The following GJA3 variants were observed in gnomAD, a reference collection of about 807,000 sequenced individuals.
The protein encoded by GJA3 is gap junction alpha-3 protein.
For synonymous variants in GJA3, 297 were observed against 292.6 expected (o/e 1.02, Z -0.15); for missense variants, 571 against 620.3 (o/e 0.92, Z 0.84).
chr13:20,151,870 C>A (rs993158894), intron 1 of GJA3, among the ~76,000 whole-genome samples: 6 of 152,192 alleles, frequency 3.9e-5, no homozygotes, highest in African/African-American at 1.2e-4. Context: ...GGCAAACGCA[C>A]AGCCTCCAGG....
At position 20,142,582 on chromosome 13, in the gene GJA3, C is replaced by T. The variant is rs1286066768; in HGVS notation, c.707G>A (p.Ser236Asn). The change falls in exon 2 of 2, where the codon AGC becomes AAC. Residue 236 changes from serine to asparagine, a missense_variant. Ser to Asn is a conservative substitution (Grantham distance 46). Coordinates refer to ENST00000241125, the MANE Select transcript of GJA3 (RefSeq NM_021954.4). ...CTCGGAGGCGTCCGGGCCGAGGCGG[C>T]TGGTCACGCCCTGCTTGAGCTTCTT... is the stretch of plus-strand genomic sequence containing the variant. ...GWKKLKQGVT[S>N]RLGPDASEAP... 1.2e-6 allele frequency: 2 copies of T among 1,606,254 alleles called. No homozygotes were observed. Among genetic ancestry groups the T allele is most frequent in the African/African-American group, 1.3e-5 (1 of 74,746 alleles).
intron 1 of GJA3, among the ~76,000 whole-genome samples, chr13:20,156,452 G>T (rs9315354): frequency 0.27 from 40,807 of 151,724 alleles, 6,873 homozygotes; most frequent in Non-Finnish European, 0.37. Context: ...GATTACAGGC[G>T]TGTGTCACCA....
upstream of GJA3, among the ~76,000 whole-genome samples, chr13:20,161,323 G>T (rs1958936949): frequency 6.6e-6 from 1 of 152,112 alleles, no homozygotes; most frequent in Non-Finnish European, 1.5e-5. Context: ...TACGCACTCC[G>T]GGGCATGCCC....
At chr13:20,151,977 C>T (rs1958880801) in intron 1 of GJA3, among the ~76,000 whole-genome samples, 1 of 152,184 alleles carries the variant, frequency 6.6e-6, no homozygotes. Flanking sequence ...AGGGCACCAG[C>T]ACTGGTGCTC....
rs150958132 is a variant in GJA3 at position 20,157,654 on chromosome 13, A to G, written c.-18+3236T>C. ...GGGCGATGCAGCAGGCAGACTGTTC[A>G]GCTTATGACACTATGTATTACATGC... On this transcript the variant is annotated intron_variant, in intron 1 of 1. Coordinates refer to ENST00000241125, the MANE Select transcript of GJA3 (RefSeq NM_021954.4). Among the ~76,000 whole-genome samples, 376 of 152,326 alleles carry G rather than the reference A, an allele frequency of 2.5e-3. 1 individual carries two copies. Among genetic ancestry groups the G allele is most frequent in the South Asian group, 4.3e-3 (21 of 4,834 alleles).
At position 20,142,617 on chromosome 13, in the gene GJA3, G is replaced by A. The variant is rs757939318; in HGVS notation, c.672C>T (p.His224=). 26 of 1,613,052 alleles carry A rather than the reference G, an allele frequency of 1.6e-5. No homozygotes were observed. The Admixed American group carries it at 1.8e-4, about 11-fold the overall frequency. Residue 224 remains histidine, a synonymous_variant, in exon 2 of 2, where the codon CAC becomes CAT. Coordinates refer to ENST00000241125, the MANE Select transcript of GJA3 (RefSeq NM_021954.4). ...CCTGCTTGAGCTTCTTCCAGCCCAG[G>A]TGGTAGATCTCCAGCATGTTGAGCA... ...SLLLNMLEIY[H]LGWKKLKQGV... is the part of the protein sequence containing the mutation.
rs565493245 is a variant in GJA3 at position 20,143,438 on chromosome 13, G to A, written c.-17-133C>T. On this transcript the variant is annotated intron_variant, in intron 1 of 1. Transcript: ENST00000241125. ...GCAGCTTCTCCACAGGACAGGCATC[G>A]CAGCTCCCCAGGACCTGGACGAGCA... 3.8e-5 allele frequency: 22 copies of A among 583,156 alleles called. No individual in the cohort carries two copies. In the East Asian group the frequency reaches 5.1e-4, roughly 14 times the overall value. The allele number at this position is 583,156 out of a possible 1,614,324, so 36.1% of individuals were successfully genotyped here.
At position 20,143,042 on chromosome 13, in the gene GJA3, T is replaced by G; in HGVS notation, c.247A>C (p.Ile83Leu). ...ATGAGGGTGGGCGTGGACACGAAGA[T>G]GATCTGCAGCGCCCAGAAGCGGATG... ...SHIRFWALQI[I>L]FVSTPTLIYL... Residue 83 changes from isoleucine (I) to leucine (L), a missense_variant, in exon 2 of 2, where the codon ATC (isoleucine) becomes CTC (leucine). By Grantham distance (5) the Ile-to-Leu change is conservative. Transcript: ENST00000241125. 2.5e-6 allele frequency: 4 copies of G among 1,613,462 alleles called. No homozygotes were observed. The highest frequency in any genetic ancestry group is 3.4e-6 in the Non-Finnish European group (4 of 1,179,726).
chr13:20,155,897 G>A (rs750360577), intron 1 of GJA3, among the ~76,000 whole-genome samples: 1 of 152,012 alleles, frequency 6.6e-6, no homozygotes, highest in Non-Finnish European at 1.5e-5. Context: ...TACATGCAGA[G>A]ATATGTGGGT....
chr13:20,146,684 G>C (rs899162460), intron 1 of GJA3, among the ~76,000 whole-genome samples: 3 of 152,248 alleles, frequency 2.0e-5, no homozygotes, highest in African/African-American at 7.2e-5. Flanking sequence ...CCAGGGATCT[G>C]TGTGGATCTT....
intron 1 of GJA3, among the ~76,000 whole-genome samples, chr13:20,152,941 C>A (rs1958887196): frequency 6.6e-6 from 1 of 152,110 alleles, no homozygotes; most frequent in Non-Finnish European, 1.5e-5. Context: ...TCTACGAGGG[C>A]ATGGTGAGCT....
rs1958823852 is a variant in GJA3, at chr13:20,143,274, G to A, written c.15C>T (p.Ser5=). The A allele has an allele frequency of 2.0e-6, 3 of 1,520,242 alleles. No homozygotes were observed. The highest frequency in any genetic ancestry group is 2.6e-6 in the Non-Finnish European group (3 of 1,137,056). 94.2% of individuals were successfully genotyped at this position (1,520,242 alleles called of 1,614,324 possible). Residue 5 remains serine (S), a synonymous_variant, in exon 2 of 2, where the codon AGC becomes AGT. Transcript: ENST00000241125. MGDW[S]FLGRLLENAQ... Reference sequence around the variant, plus strand: ...CATTTTCTAAGAGTCTTCCCAGAAAGCTCCAGTCGCCCATTGCTTCAGATT... The same window carrying A: ...CATTTTCTAAGAGTCTTCCCAGAAAACTCCAGTCGCCCATTGCTTCAGATT...
chr13:20,153,088 C>G (rs886550517), intron 1 of GJA3, among the ~76,000 whole-genome samples: 28 of 152,216 alleles, frequency 1.8e-4, no homozygotes, highest in Non-Finnish European at 3.7e-4. Flanking sequence ...CACCTAAAGA[C>G]TGTAATTTCC....
Position 20,142,255 on chromosome 13 carries a change from G to A in GJA3, c.1034C>T (p.Ala345Val), listed in dbSNP as rs762438384. ...GCTGGGGGCTGCAGGCGTGGACGCT[G>A]CCGGGTAAGCCTTGAGCGCCGGGGG... ...RQPPALKAYP[A>V]ASTPAAPSPV... Residue 345 changes from alanine to valine, a missense_variant, in exon 2 of 2, where the codon GCA (alanine) becomes GTA (valine). Physicochemically the swap from Ala to Val is moderately conservative, Grantham distance 64. Transcript: ENST00000241125. 1.3e-6 allele frequency: 2 copies of A among 1,548,984 alleles called. No individual in the cohort carries two copies. Among genetic ancestry groups the A allele is most frequent in the African/African-American group, 2.8e-5 (2 of 71,656 alleles).
intron 1 of GJA3, among the ~76,000 whole-genome samples, chr13:20,159,694 T>G (rs1262287600): frequency 6.6e-6 from 1 of 152,160 alleles, no homozygotes; most frequent in Non-Finnish European, 1.5e-5. Flanking sequence ...GAAACAGTAC[T>G]GTCTGATTTG....
At chr13:20,156,682 T>C (rs1958908807) in intron 1 of GJA3, among the ~76,000 whole-genome samples, 1 of 152,218 alleles carries the variant, frequency 6.6e-6, no homozygotes, top group Admixed American at 6.5e-5. Flanking sequence ...GTCTTCAATA[T>C]TTTATACTCG....
intron 1 of GJA3, among the ~76,000 whole-genome samples, chr13:20,152,252 T>C (rs9578256): frequency 0.28 from 42,499 of 151,994 alleles, 7,258 homozygotes; most frequent in Non-Finnish European, 0.38. Context: ...TGAGCACAGA[T>C]GGGCCGGGCA....
At chr13:20,156,081 T>C (rs1325931669) in intron 1 of GJA3, among the ~76,000 whole-genome samples, 1 of 152,220 alleles carries the variant, frequency 6.6e-6, no homozygotes, top group Admixed American at 6.5e-5. Flanking sequence ...TAAGAATGTA[T>C]GGAAAGCATG....
At chr13:20,159,192 C>T (rs535383683) in intron 1 of GJA3, among the ~76,000 whole-genome samples, 4 of 151,614 alleles carry the variant, frequency 2.6e-5, no homozygotes, top group African/African-American at 9.7e-5. Context: ...GTGTGTGGCA[C>T]TGTGCCACAC....
Sources: allele counts gnomAD v4.1 joint callset (sites outside exome capture counted in the v4.1 genomes callset), GRCh38; gene constraint gnomAD v4.1.1; transcripts MANE v1.5; gene names NCBI Gene and HGNC (gene_info 2026-07-23, HGNC 2026-07-21).